GARRE1: variants seen among roughly 807,000 people sequenced by gnomAD.
GARRE1 encodes granule associated Rac and RHOG effector protein 1.
GARRE1 carries 49 observed loss-of-function variants against 103.2 expected under a neutral mutation model. The observed-to-expected ratio is 0.47, with a 90% confidence interval of 0.38 to 0.60. GARRE1 has a LOEUF of 0.60. Ranked by LOEUF, GARRE1 falls within the 20% of genes least tolerant of loss-of-function variation. The pLI, the probability that GARRE1 is intolerant of heterozygous loss-of-function variation, is 0.00. For synonymous variants in GARRE1, 505 were observed against 532.8 expected (o/e 0.95, Z 0.72); for missense variants, 1,199 against 1,370.5 (o/e 0.87, Z 1.98).
chr19:34,352,868 C>A lies in GARRE1; in HGVS notation c.3126C>A (p.Pro1042=), dbSNP rs2074246861. 2.5e-6 allele frequency: 4 copies of A among 1,589,520 alleles called. No individual in the cohort carries two copies. The African/African-American group carries it at 5.4e-5, about 21-fold the overall frequency. ...SYVQTPPQPP[P]PPAHKAAPKG... is the part of the protein sequence containing the mutation. ...TGCAGACCCCACCCCAGCCCCCACC[C>A]CCACCAGCACACAAGGCAGCACCCA... Residue 1042 remains proline (P), a synonymous_variant, in exon 14 of 14, where the codon CCC becomes CCA. Transcript: ENST00000299505.
At chr19:34,262,326 C>A (rs2073723990) in intron 1 of GARRE1, among the ~76,000 whole-genome samples, 1 of 46,882 alleles carries the variant, frequency 2.1e-5, no homozygotes, top group Admixed American at 3.9e-4. Context: ...GAGGCGGAGT[C>A]TCTCTCTCAC....
Position 34,349,146 on chromosome 19 carries a change from C to G in GARRE1, c.2818C>G (p.Gln940Glu). 6.2e-7 allele frequency: 1 copy of G among 1,612,160 alleles called. No individual in the cohort carries two copies. Among genetic ancestry groups the G allele is most frequent in the Non-Finnish European group, 8.5e-7 (1 of 1,179,992 alleles). ...GCCTGACCTCGTTGCTGCTGTCAAG[C>G]AGAGAAGGTATGAAGGGATTTCTAA... Reference protein sequence around the residue: ...SGPDLVAAVKQRRKHSSGEQD... With the variant: ...SGPDLVAAVKERRKHSSGEQD... The change falls in exon 12 of 14, where the codon CAG becomes GAG. Residue 940 changes from glutamine (Q) to glutamate (E), a missense_variant. Gln to Glu is a conservative substitution (Grantham distance 29, BLOSUM62 2). Transcript: ENST00000299505.
chr19:34,342,575 C>T (rs1298566358), intron 10 of GARRE1, 120 bp downstream of exon 10: 21 of 919,840 alleles, frequency 2.3e-5, no homozygotes, highest in African/African-American at 6.7e-5. Context: ...TCCCCCTTTA[C>T]GACCCTTTCT....
intron 1 of GARRE1, among the ~76,000 whole-genome samples, chr19:34,284,004 T>G (rs2073870990): frequency 1.3e-5 from 2 of 151,170 alleles, no homozygotes; most frequent in Non-Finnish European, 3.0e-5. Flanking sequence ...GCTAACTTTT[T>G]GTATTTTAGT....
chr19:34,264,447 A>G (rs981118087), intron 1 of GARRE1, among the ~76,000 whole-genome samples: 12 of 151,898 alleles, frequency 7.9e-5, no homozygotes, highest in Non-Finnish European at 1.2e-4. Flanking sequence ...TGCCCAGGCT[A>G]GAATGCAGTG....
intron 1 of GARRE1, among the ~76,000 whole-genome samples, chr19:34,273,886 G>A (rs2073802158): frequency 6.6e-6 from 1 of 152,110 alleles, no homozygotes; most frequent in Non-Finnish European, 1.5e-5. Context: ...TGGTGTTGGG[G>A]CGGTGTAAGA....
Position 34,339,956 on chromosome 19 carries a change from C to A in GARRE1, c.1451C>A (p.Thr484Lys). The A allele has an allele frequency of 6.2e-7, 1 of 1,614,176 alleles. No individual in the cohort carries two copies. Among genetic ancestry groups the A allele is most frequent in the Non-Finnish European group, 8.5e-7 (1 of 1,180,024 alleles). Residue 484 changes from threonine to lysine, a missense_variant, in exon 9 of 14, where the codon ACA becomes AAA. Thr to Lys is a moderately conservative substitution (Grantham distance 78). Transcript: ENST00000299505. ...CTGGGTCTAGTGGACGTGCTCTACA[C>A]AGCTGTGCTGGACCTAAACCGCTGG... ...KTLGLVDVLYTAVLDLNRWRA... is the reference protein window; with the variant it reads ...KTLGLVDVLYKAVLDLNRWRA...
At chr19:34,351,660 C>T in intron 13 of GARRE1, 68 bp downstream of exon 13, 2 of 1,068,480 alleles carry the variant, frequency 1.9e-6, no homozygotes, top group Admixed American at 3.7e-5. Flanking sequence ...CAGAGGGCCT[C>T]AAAGTAATGA....
At chr19:34,266,624 G>A (rs939877603) in intron 1 of GARRE1, among the ~76,000 whole-genome samples, 8 of 152,104 alleles carry the variant, frequency 5.3e-5, no homozygotes, top group Non-Finnish European at 8.8e-5. Context: ...AATTACAGGT[G>A]TGAGCCATTG....
intron 1 of GARRE1, among the ~76,000 whole-genome samples, chr19:34,284,405 A>G (rs1448603406): frequency 6.6e-6 from 1 of 152,294 alleles, no homozygotes; most frequent in Non-Finnish European, 1.5e-5. Context: ...GATTACAGGC[A>G]TGAGCCACCA....
At chr19:34,286,256 G>T (rs1302036337) in intron 1 of GARRE1, among the ~76,000 whole-genome samples, 2 of 152,222 alleles carry the variant, frequency 1.3e-5, no homozygotes, top group African/African-American at 4.8e-5. Context: ...GTCTCGCTCT[G>T]TTGCCCAGGC....
chr19:34,352,987 C>T lies in GARRE1; in HGVS notation c.*32C>T, dbSNP rs1424253114. On this transcript the variant is annotated 3_prime_UTR_variant, in exon 14 of 14. Coordinates refer to ENST00000299505, the MANE Select transcript of GARRE1 (RefSeq NM_014686.5). The stretch of plus-strand genomic sequence containing the variant: ...GCCAGCCAGCCTGCCTGCCTGCCTG[C>T]CTGCCCGCCCAGAGCTGTGGGGATG... The T allele has an allele frequency of 6.7e-7, 1 of 1,486,806 alleles. No individual in the cohort carries two copies. Among genetic ancestry groups the T allele is most frequent in the Non-Finnish European group, 9.0e-7 (1 of 1,112,126 alleles). 92.1% of individuals were successfully genotyped at this position (1,486,806 alleles called of 1,614,324 possible). A position where few individuals can be genotyped will look rare whatever the true frequency, so the allele number is the denominator to read the frequency against.
chr19:34,345,210 C>T (rs146230429), intron 10 of GARRE1, among the ~76,000 whole-genome samples: 6,268 of 152,276 alleles, frequency 0.041, 375 homozygotes, highest in African/African-American at 0.14. Context: ...ACCTCAGCCT[C>T]CTAAAGTGCT....
intron 2 of GARRE1, among the ~76,000 whole-genome samples, chr19:34,307,730 AT>A (rs1354614692): frequency 1.4e-5 from 2 of 138,730 alleles, no homozygotes; most frequent in Non-Finnish European, 3.1e-5. Flanking sequence ...ATATATACAT[AT>A]ATACTTATAT....
At chr19:34,295,818 A>G (rs1003929754) in intron 1 of GARRE1, among the ~76,000 whole-genome samples, 3 of 152,194 alleles carry the variant, frequency 2.0e-5, no homozygotes, top group African/African-American at 4.8e-5. Context: ...GGCTTGAGCC[A>G]CTACACCCAG....
intron 1 of GARRE1, among the ~76,000 whole-genome samples, chr19:34,271,574 C>G (rs2073788342): frequency 6.6e-6 from 1 of 152,018 alleles, no homozygotes; most frequent in Non-Finnish European, 1.5e-5. Context: ...ATTGAAAGAA[C>G]TAGGAGCTGG....
intron 1 of GARRE1, among the ~76,000 whole-genome samples, chr19:34,270,018 C>A (rs1388300043): frequency 6.6e-6 from 1 of 152,210 alleles, no homozygotes; most frequent in Non-Finnish European, 1.5e-5. Context: ...CTCTCCATGC[C>A]CGCCTTTCTC....
At chr19:34,314,959 A>G (rs977200759) in intron 2 of GARRE1, among the ~76,000 whole-genome samples, 3 of 152,342 alleles carry the variant, frequency 2.0e-5, no homozygotes, top group African/African-American at 2.4e-5. Flanking sequence ...AAGATACCTC[A>G]TTAAGAACAA....
At chr19:34,327,729 T>G in intron 4 of GARRE1, 42 bp from the exon 5 acceptor site, 1 of 1,564,516 alleles carries the variant, frequency 6.4e-7, no homozygotes, top group Non-Finnish European at 8.8e-7. Context: ...CATCTTATAA[T>G]TTGCTTTACG....
Sources: allele counts gnomAD v4.1 joint callset (sites outside exome capture counted in the v4.1 genomes callset), GRCh38; gene constraint gnomAD v4.1.1; transcripts MANE v1.5; gene names NCBI Gene and HGNC (gene_info 2026-07-23, HGNC 2026-07-21).